Variants in SDK1 observed in about 807,000 individuals in gnomAD.
The protein encoded by SDK1 is protein sidekick-1.
A neutral mutation model predicts 245.5 loss-of-function variants in SDK1; 157 were observed. The observed-to-expected ratio is 0.64, with a 90% CI of 0.56 to 0.73. The LOEUF (loss-of-function observed/expected upper bound fraction) is 0.73. SDK1 is among the 30% of genes least tolerant of loss of function. The probability of loss-of-function intolerance (pLI) is 0.00; values close to 1 mark genes in which losing one functional copy is unlikely to be tolerated. For synonymous variants in SDK1, 1,647 were observed against 1,278.5 expected (o/e 1.29, Z -6.15); for missense variants, 3,583 against 3,002.3 (o/e 1.19, Z -4.52).
chr7:4,220,068 A>G, intron 38 of SDK1, 41 bp from the exon 39 acceptor site: 2 of 1,597,564 alleles, frequency 1.3e-6, no homozygotes, highest in South Asian at 1.1e-5. Flanking sequence ...TTGCTTCTCC[A>G]GGCTGAACCC....
intron 1 of SDK1, among the ~76,000 whole-genome samples, chr7:3,420,139 T>A (rs752498715): frequency 8.5e-5 from 13 of 152,232 alleles, no homozygotes; most frequent in Non-Finnish European, 1.6e-4. Context: ...AATAAAATGC[T>A]ACTTAATATT....
intron 4 of SDK1, among the ~76,000 whole-genome samples, chr7:3,791,733 G>T (rs940482806): frequency 6.6e-6 from 1 of 152,172 alleles, no homozygotes; most frequent in African/African-American, 2.4e-5. Context: ...CCTTAATCAA[G>T]GGTGATCTGT....
At chr7:3,551,065 T>G (rs914526580) in intron 1 of SDK1, among the ~76,000 whole-genome samples, 3 of 152,254 alleles carry the variant, frequency 2.0e-5, no homozygotes, top group Non-Finnish European at 2.9e-5. Context: ...GGACCTAACC[T>G]ACTTTTACAT....
intron 4 of SDK1, among the ~76,000 whole-genome samples, chr7:3,647,621 T>C (rs561083537): frequency 6.6e-5 from 10 of 152,212 alleles, no homozygotes; most frequent in Admixed American, 5.2e-4. Context: ...TTGGAGACTT[T>C]GTTTCACCAT....
rs893931932 is a variant in SDK1 at position 3,655,056 on chromosome 7, T to TC, written c.713+12951_713+12952insC. Among the ~76,000 whole-genome samples, 219 of 151,800 alleles carry TC rather than the reference T, an allele frequency of 1.4e-3. 3 individuals carry two copies. The highest frequency in any genetic ancestry group is 0.01 in the Middle Eastern group (3 of 294). On this transcript the variant is annotated intron_variant, in intron 4 of 44. Transcript: ENST00000404826. ...TAGTTGAATCATAGCTTGCTTTTTT[T>TC]TTTTTTGGCTCTTAAATCTGTACCC...
At chr7:4,090,344 A>AT (rs1209625619) in intron 22 of SDK1, among the ~76,000 whole-genome samples, 5 of 152,182 alleles carry the variant, frequency 3.3e-5, no homozygotes, top group Admixed American at 3.3e-4. Context: ...GGCACCAGTG[A>AT]TTTTTTAAAA....
At chr7:3,800,878 C>A (rs1249873592) in intron 4 of SDK1, among the ~76,000 whole-genome samples, 3 of 152,152 alleles carry the variant, frequency 2.0e-5, no homozygotes, top group African/African-American at 4.8e-5. Flanking sequence ...CAGCCTGGCC[C>A]AGTTTTTGTC....
intron 5 of SDK1, among the ~76,000 whole-genome samples, chr7:3,889,773 G>T (rs1238712778): frequency 1.3e-5 from 2 of 152,166 alleles, no homozygotes; most frequent in Non-Finnish European, 2.9e-5. Flanking sequence ...CTCCCAAAGT[G>T]CTGGGATTAC....
At chr7:4,213,694 G>A (rs1784629022) in intron 38 of SDK1, among the ~76,000 whole-genome samples, 1 of 152,066 alleles carries the variant, frequency 6.6e-6, no homozygotes, top group Non-Finnish European at 1.5e-5. Context: ...TCTCTCTGCA[G>A]TTTCACTCCC....
chr7:4,012,020 A>G lies in SDK1; in HGVS notation c.2280-75A>G. ...ATAGTCAGGCTCAAGATTCAGCAAG[A>G]TAGATGAAATGCAAATGGGCCCCCG... is the stretch of plus-strand genomic sequence containing the variant. On this transcript the variant is annotated intron_variant, in intron 15 of 44. Coordinates refer to ENST00000404826, the MANE Select transcript of SDK1 (RefSeq NM_152744.4). 13 of 1,240,028 alleles carry G rather than the reference A, an allele frequency of 1.0e-5. No homozygotes were observed. In the South Asian group the frequency reaches 2.7e-4, roughly 25 times the overall value. 76.8% of individuals were successfully genotyped at this position (1,240,028 alleles called of 1,614,324 possible).
chr7:4,006,686 C>T (rs909660167), intron 14 of SDK1, among the ~76,000 whole-genome samples: 3 of 152,208 alleles, frequency 2.0e-5, no homozygotes, highest in Admixed American at 6.5e-5. Context: ...CCAGCCAGAC[C>T]TTTTATTTTC....
chr7:4,094,731 A>C lies in SDK1; in HGVS notation c.3324+15147A>C, dbSNP rs142129893. Among the ~76,000 whole-genome samples the C allele has an allele frequency of 2.3e-3, 344 of 152,294 alleles. 2 individuals are homozygous for C. Among genetic ancestry groups the C allele is most frequent in the African/African-American group, 7.9e-3 (327 of 41,578 alleles). ...TTGACATCGGGATTGCAGCGAGAGA[A>C]AGTGAGGTGTGTCTTTCAGGGCACC... is the stretch of plus-strand genomic sequence containing the variant. On this transcript the variant is annotated intron_variant, in intron 22 of 44. Coordinates refer to ENST00000404826, the MANE Select transcript of SDK1 (RefSeq NM_152744.4).
At chr7:4,225,257 C>G (rs1293106363) in intron 40 of SDK1, among the ~76,000 whole-genome samples, 1 of 152,178 alleles carries the variant, frequency 6.6e-6, no homozygotes, top group African/African-American at 2.4e-5. Context: ...CAGACTTGCT[C>G]TCCGTTGTTT....
intron 25 of SDK1, among the ~76,000 whole-genome samples, chr7:4,114,636 T>A (rs1018412940): frequency 2.0e-5 from 3 of 152,228 alleles, no homozygotes; most frequent in South Asian, 2.1e-4. Context: ...TTAATAGACG[T>A]AGTATGTTAA....
At chr7:3,338,138 A>T in intron 1 of SDK1, 1 of 210,988 alleles carries the variant, frequency 4.7e-6, no homozygotes, top group Non-Finnish European at 9.6e-6. Context: ...GATGAACGAC[A>T]AAGAGAAAAG....
chr7:3,334,178 G>T (rs1275211911), intron 1 of SDK1, among the ~76,000 whole-genome samples: 1 of 152,194 alleles, frequency 6.6e-6, no homozygotes, highest in Non-Finnish European at 1.5e-5. Context: ...GCTAGAAGGT[G>T]GGAGTAGATT....
chr7:3,874,527 C>T (rs903416196), intron 5 of SDK1, among the ~76,000 whole-genome samples: 3 of 152,152 alleles, frequency 2.0e-5, no homozygotes, highest in African/African-American at 2.4e-5. Flanking sequence ...AGTGTTCCTG[C>T]TCCTTCCCTA....
Position 3,685,180 on chromosome 7 carries a change from A to G in SDK1, c.713+43075A>G, listed in dbSNP as rs530100169. On this transcript the variant is annotated intron_variant, in intron 4 of 44. Transcript: ENST00000404826. ...GATAAATGCAAATAAATTTATACCAAGACACATCATAAATAAACTTGTGAA... is the reference window on the plus strand; with the variant it reads ...GATAAATGCAAATAAATTTATACCAGGACACATCATAAATAAACTTGTGAA... Among the ~76,000 whole-genome samples the G allele has an allele frequency of 1.5e-4, 22 of 151,344 alleles. 1 individual carries two copies. The highest frequency in any genetic ancestry group is 4.9e-4 in the African/African-American group (20 of 41,088).
At position 3,662,421 on chromosome 7, in the gene SDK1, A is replaced by G. The variant is rs554497346; in HGVS notation, c.713+20316A>G. 5.9e-5 allele frequency among the ~76,000 whole-genome samples: 9 copies of G among 152,262 alleles called. No homozygotes were observed. In the East Asian group the frequency reaches 1.7e-3, roughly 29 times the overall value. On this transcript the variant is annotated intron_variant, in intron 4 of 44. Transcript: ENST00000404826. ...CTAGTCCCCTGTCCTTGCCTGATACATTAGTCCTGAAAGTGGGAAACCCAT... is the reference window on the plus strand; with the variant it reads ...CTAGTCCCCTGTCCTTGCCTGATACGTTAGTCCTGAAAGTGGGAAACCCAT...
Sources: gnomAD v4.1 joint callset for allele counts (sites outside exome capture counted in the v4.1 genomes callset) on GRCh38, gnomAD v4.1.1 for gene constraint, MANE v1.5 for transcripts, NCBI Gene and HGNC (gene_info 2026-07-23, HGNC 2026-07-21) for gene names.